The following VCL variants were observed in gnomAD, a reference collection of about 807,000 sequenced individuals.
VCL encodes the protein epididymis luminal protein 114.
VCL carries 47 observed loss-of-function variants against 125.7 expected under a neutral mutation model. The ratio of observed to expected loss-of-function variants is 0.37; its 90% confidence interval spans 0.30 to 0.48. VCL has a LOEUF of 0.48. Among genes scored for constraint, VCL ranks in the 20% least tolerant of loss-of-function variants. The pLI is 0.99. For synonymous variants in VCL, 458 were observed against 514.6 expected (o/e 0.89, Z 1.49); for missense variants, 1,069 against 1,455.5 (o/e 0.73, Z 4.32).
At chr10:74,104,752 C>T (rs1312798227) in intron 15 of VCL, among the ~76,000 whole-genome samples, 5 of 152,118 alleles carry the variant, frequency 3.3e-5, no homozygotes, top group African/African-American at 1.2e-4. Flanking sequence ...TGGTTTCAGA[C>T]ATATTCCTTG....
Position 74,097,139 on chromosome 10 carries a change from G to T in VCL, c.1744-65G>T. ...AGATGAATGAATGTCAGTGAAGTAAGGGCATTAGTAGATATGCTTTGAGGA... is the reference window on the plus strand; with the variant it reads ...AGATGAATGAATGTCAGTGAAGTAATGGCATTAGTAGATATGCTTTGAGGA... On this transcript the variant is annotated intron_variant, in intron 12 of 21. Coordinates refer to ENST00000211998, the MANE Select transcript of VCL (RefSeq NM_014000.3). The surrounding 1 kb of genome is among the most constrained non-coding windows in gnomAD (Gnocchi z 4.1). The T allele has an allele frequency of 6.3e-7, 1 of 1,593,642 alleles. No individual in the cohort carries two copies.
rs370742274 is a variant in VCL at position 74,107,395 on chromosome 10, G to A, written c.2559+41G>A. Reference sequence around the variant, plus strand: ...TATGCAGAGAATTGAGCAGGAAGGTGTTGAGACTTCAGCAAGAGAGAGGTA... The same window carrying A: ...TATGCAGAGAATTGAGCAGGAAGGTATTGAGACTTCAGCAAGAGAGAGGTA... On this transcript the variant is annotated intron_variant, in intron 17 of 21. Transcript: ENST00000211998. The A allele has an allele frequency of 1.5e-5, 25 of 1,613,964 alleles. No individual in the cohort carries two copies. In the African/African-American group the frequency reaches 2.7e-4, roughly 17 times the overall value.
chr10:74,004,187 T>C (rs1052931275), intron 1 of VCL, among the ~76,000 whole-genome samples: 1 of 152,226 alleles, frequency 6.6e-6, no homozygotes, highest in Non-Finnish European at 1.5e-5. Context: ...AATATATTTC[T>C]GTATTTTCCA....
At chr10:74,106,279 A>G (rs1840133588) in intron 16 of VCL, among the ~76,000 whole-genome samples, 1 of 152,240 alleles carries the variant, frequency 6.6e-6, no homozygotes. Context: ...GAAAATTTTC[A>G]AAAGATGCAT....
At chr10:74,005,769 C>CT (rs1185190639) in intron 1 of VCL, among the ~76,000 whole-genome samples, 1 of 152,126 alleles carries the variant, frequency 6.6e-6, no homozygotes. Context: ...CTCCTGTATA[C>CT]TTTGTCATCT....
chr10:74,110,497 T>G (rs1225730710), intron 18 of VCL, among the ~76,000 whole-genome samples: 1 of 152,154 alleles, frequency 6.6e-6, no homozygotes, highest in African/African-American at 2.4e-5. Flanking sequence ...GGGAGGAATA[T>G]CTGTTCGTGT....
At chr10:74,028,393 C>CTT (rs1159824812) in intron 1 of VCL, among the ~76,000 whole-genome samples, 4,282 of 121,716 alleles carry the variant, frequency 0.035, 244 homozygotes, top group African/African-American at 0.1. Context: ...CTTAAGTAAT[C>CTT]TTTTTTTTTT....
intron 19 of VCL, among the ~76,000 whole-genome samples, chr10:74,113,031 C>A (rs1002512270): frequency 2.0e-5 from 3 of 152,186 alleles, no homozygotes; most frequent in African/African-American, 7.2e-5. Flanking sequence ...AGATGTTACA[C>A]CCTTCCAGCA....
chr10:74,045,750 C>T (rs1264787621), intron 2 of VCL, among the ~76,000 whole-genome samples: 1 of 151,950 alleles, frequency 6.6e-6, no homozygotes, highest in Non-Finnish European at 1.5e-5. Flanking sequence ...GTAGTCCTAC[C>T]TCTGGGAGGG....
At chr10:74,018,140 G>GAA (rs202084961) in intron 1 of VCL, among the ~76,000 whole-genome samples, 15 of 97,940 alleles carry the variant, frequency 1.5e-4, no homozygotes, top group African/African-American at 5.2e-4. Context: ...GTCTCAAAAA[G>GAA]AAAAAAAAAT....
At chr10:74,084,823 G>C (rs925187054) in intron 8 of VCL, among the ~76,000 whole-genome samples, 1 of 151,244 alleles carries the variant, frequency 6.6e-6, no homozygotes, top group African/African-American at 2.4e-5. Flanking sequence ...TGTTGGTCAG[G>C]CTGGTCTCAA....
intron 1 of VCL, chr10:74,005,015 C>G (rs1402891919): frequency 6.6e-6 from 1 of 151,870 alleles, no homozygotes; most frequent in Non-Finnish European, 1.5e-5. Flanking sequence ...CACAGCATTT[C>G]TTTTTTGAGA....
intron 2 of VCL, among the ~76,000 whole-genome samples, chr10:74,067,367 T>A (rs1259114304): frequency 1.3e-5 from 2 of 149,656 alleles, no homozygotes; most frequent in Non-Finnish European, 2.9e-5. Flanking sequence ...CCTGCTAGGG[T>A]GGCTTTTATT....
chr10:73,999,190 G>A (rs1441691754), intron 1 of VCL, among the ~76,000 whole-genome samples: 1 of 152,306 alleles, frequency 6.6e-6, no homozygotes, highest in East Asian at 1.9e-4. Context: ...AGACTCGGGG[G>A]CCCTCCTTGG....
intron 1 of VCL, among the ~76,000 whole-genome samples, chr10:74,013,130 A>G (rs982428706): frequency 7.2e-5 from 11 of 152,294 alleles, no homozygotes; most frequent in Admixed American, 5.2e-4. Flanking sequence ...TATTTGTTCA[A>G]TAAACAAATA....
intron 1 of VCL, among the ~76,000 whole-genome samples, chr10:74,011,699 A>G: frequency 6.6e-6 from 1 of 152,298 alleles, no homozygotes; most frequent in East Asian, 1.9e-4. Context: ...CCAAATATTT[A>G]TACAGTCTCA....
rs1339198294 is a variant in VCL at position 74,065,295 on chromosome 10, C to G, written c.240-5375C>G. ...GGGATTACAGGCGCTTGTCACCATG[C>G]CTGGCTAATTTTTGTATTCTTAGTA... On this transcript the variant is annotated intron_variant, in intron 2 of 21. Transcript: ENST00000211998. 5.3e-5 allele frequency among the ~76,000 whole-genome samples: 8 copies of G among 152,142 alleles called. No individual in the cohort carries two copies. In the South Asian group the frequency reaches 1.0e-3, roughly 20 times the overall value.
chr10:74,101,102 G>A lies in VCL; in HGVS notation c.2022+5G>A, dbSNP rs1050797785. 2 of 1,612,208 alleles carry A rather than the reference G, an allele frequency of 1.2e-6. No individual in the cohort carries two copies. Among genetic ancestry groups the A allele is most frequent in the African/African-American group, 1.3e-5 (1 of 74,792 alleles). On this transcript the variant is annotated splice_donor_5th_base_variant and intron_variant, in intron 14 of 21. Coordinates refer to ENST00000211998, the MANE Select transcript of VCL (RefSeq NM_014000.3). Reference sequence around the variant, plus strand: ...GCCCGAGAACTCACACCCCAGGTTGGGTTTTGCTCATTCCTCATACAGTGT... The same window carrying A: ...GCCCGAGAACTCACACCCCAGGTTGAGTTTTGCTCATTCCTCATACAGTGT...
At chr10:74,019,950 C>A (rs559154527) in intron 1 of VCL, among the ~76,000 whole-genome samples, 2 of 151,974 alleles carry the variant, frequency 1.3e-5, no homozygotes, top group African/African-American at 4.8e-5. Flanking sequence ...GTAATCCCAG[C>A]TACTCAGGAG....
Sources: allele counts gnomAD v4.1 joint callset (sites outside exome capture counted in the v4.1 genomes callset), GRCh38; gene constraint gnomAD v4.1.1; non-coding constraint Gnocchi (gnomAD v3.1); transcripts MANE v1.5; gene names NCBI Gene and HGNC (gene_info 2026-07-23, HGNC 2026-07-21).